The following CELSR2 variants were observed in gnomAD, a reference collection of about 807,000 sequenced individuals.
CELSR2 encodes the protein cadherin EGF LAG seven-pass G-type receptor 2.
CELSR2 carries 81 observed loss-of-function variants against 251.6 expected under a neutral mutation model. That is an observed-to-expected ratio of 0.32 (90% CI 0.27 to 0.39). The LOEUF is 0.39. CELSR2 is among the 10% of genes least tolerant of loss of function. The pLI is 1.00. For synonymous variants in CELSR2, 1,721 were observed against 1,670.5 expected (o/e 1.03, Z -0.74); for missense variants, 3,365 against 3,947.7 (o/e 0.85, Z 3.96).
At position 109,273,493 on chromosome 1, in the gene CELSR2, T is replaced by C. The variant is rs368574149; in HGVS notation, c.8567T>C (p.Leu2856Pro). The C allele has an allele frequency of 6.2e-7, 1 of 1,611,428 alleles. No individual in the cohort carries two copies. Among genetic ancestry groups the C allele is most frequent in the Admixed American group, 1.7e-5 (1 of 59,864 alleles). Residue 2856 changes from leucine (L) to proline (P), a missense_variant, in exon 33 of 34, where the codon CTC (leucine) becomes CCC (proline). By Grantham distance (98) the Leu-to-Pro change is moderately conservative. Coordinates refer to ENST00000271332, the MANE Select transcript of CELSR2 (RefSeq NM_001408.3). Reference protein sequence around the residue: ...TISEKSSLLRLPLEQCTGSSR... With the variant: ...TISEKSSLLRPPLEQCTGSSR... ...AGCGAGAAGAGCAGCCTCCTGCGGC[T>C]CCCCCTGGAGCAATGCACAGGGTCT... is the stretch of plus-strand genomic sequence containing the variant.
Position 109,252,814 on chromosome 1 carries a change from T to G in CELSR2, c.2735T>G (p.Leu912Trp). Residue 912 changes from leucine (L) to tryptophan (W), a missense_variant, in exon 1 of 34, where the codon TTG becomes TGG. By Grantham distance (61) the Leu-to-Trp change is moderately conservative. This residue lies in a region of CELSR2 where 505 missense variants were observed against 660.0 expected (regional missense o/e 0.77). Coordinates refer to ENST00000271332, the MANE Select transcript of CELSR2 (RefSeq NM_001408.3). The surrounding 1 kb of genome is among the most constrained non-coding windows in gnomAD (Gnocchi z 4.8). ...RTPMEVTVTVLDVNDNPPVFE... is the reference protein window; with the variant it reads ...RTPMEVTVTVWDVNDNPPVFE... ...CCTATGGAAGTGACAGTCACTGTGT[T>G]GGATGTGAATGACAATCCCCCTGTC... 1 of 1,614,012 alleles carries G rather than the reference T, an allele frequency of 6.2e-7. No homozygotes were observed. The highest frequency in any genetic ancestry group is 8.5e-7 in the Non-Finnish European group (1 of 1,180,030).
chr1:109,265,889 T>A lies in CELSR2; in HGVS notation c.5882T>A (p.Phe1961Tyr), dbSNP rs566300280. 2 of 1,613,858 alleles carry A rather than the reference T, an allele frequency of 1.2e-6. No homozygotes were observed. Among genetic ancestry groups the A allele is most frequent in the Non-Finnish European group, 1.7e-6 (2 of 1,179,904 alleles). ...GRQCDRCDNPFAEVTTNGCEV... is the reference protein window; with the variant it reads ...GRQCDRCDNPYAEVTTNGCEV... ...CAGTGTGACCGCTGTGACAACCCTT[T>A]TGCTGAGGTCACCACCAATGGCTGT... The change falls in exon 14 of 34, where the codon TTT becomes TAT. Residue 1961 changes from phenylalanine (F) to tyrosine (Y), a missense_variant. By Grantham distance (22) the Phe-to-Tyr change is conservative. Around this residue, in one of 5 missense-constraint regions of CELSR2, gnomAD observed 2,093 missense variants for 2,382.8 expected, o/e 0.88. Coordinates refer to ENST00000271332, the MANE Select transcript of CELSR2 (RefSeq NM_001408.3).
chr1:109,264,135 C>T lies in CELSR2; in HGVS notation c.5059C>T (p.Leu1687Phe). Residue 1687 changes from leucine to phenylalanine, a missense_variant, in exon 10 of 34, where the codon CTC becomes TTC. By Grantham distance (22) the Leu-to-Phe change is conservative (BLOSUM62 0). Around this residue, in one of 5 missense-constraint regions of CELSR2, gnomAD observed 2,093 missense variants for 2,382.8 expected, o/e 0.88. Coordinates refer to ENST00000271332, the MANE Select transcript of CELSR2 (RefSeq NM_001408.3). ...GGGCACAGGGCTTCAGGCCTCCTCT[C>T]TCCGTCTGGAGCCAGGCCGGGCCAA... Reference protein sequence around the residue: ...VEGTGLQASSLRLEPGRANDG... With the variant: ...VEGTGLQASSFRLEPGRANDG... 1 of 1,605,302 alleles carries T rather than the reference C, an allele frequency of 6.2e-7. No individual in the cohort carries two copies. Among genetic ancestry groups the T allele is most frequent in the Non-Finnish European group, 8.5e-7 (1 of 1,173,428 alleles).
In CELSR2 at chr1:109,273,570, C is replaced by T. The variant is rs1439709754; in HGVS notation, c.8644C>T (p.Pro2882Ser). 3 of 1,564,982 alleles carry T rather than the reference C, an allele frequency of 1.9e-6. No individual in the cohort carries two copies. In the South Asian group the frequency reaches 3.5e-5, roughly 18 times the overall value. ...EGSRGGPPPR[P>S]PPRQSLQEQL... Reference sequence around the variant, plus strand: ...CAGCCGGGGAGGCCCCCCTCCCCGCCCACCGCCCCGGCAGAGCCTCCAGGA... The same window carrying T: ...CAGCCGGGGAGGCCCCCCTCCCCGCTCACCGCCCCGGCAGAGCCTCCAGGA... The change falls in exon 33 of 34, where the codon CCA becomes TCA. Residue 2882 changes from proline (P) to serine (S), a missense_variant. Transcript: ENST00000271332.
chr1:109,261,731 C>T lies in CELSR2; in HGVS notation c.4298-77C>T. 1 of 1,541,080 alleles carries T rather than the reference C, an allele frequency of 6.5e-7. No homozygotes were observed. The highest frequency in any genetic ancestry group is 8.9e-7 in the Non-Finnish European group (1 of 1,124,100). ...CTCTATCAGCCAAATCTGGGCCCAG[C>T]CCCAGCCACTGGCACCCCAAACCCT... On this transcript the variant is annotated intron_variant, in intron 4 of 33. Coordinates refer to ENST00000271332, the MANE Select transcript of CELSR2 (RefSeq NM_001408.3). This position sits in a 1 kb window ranked among gnomAD's most constrained non-coding sequence, Gnocchi z 4.8.
In CELSR2 at chr1:109,250,876, T is replaced by C. The variant is rs754548328; in HGVS notation, c.797T>C (p.Met266Thr). 6.2e-6 allele frequency: 10 copies of C among 1,613,918 alleles called. No individual in the cohort carries two copies. Among genetic ancestry groups the C allele is most frequent in the Non-Finnish European group, 8.5e-6 (10 of 1,180,044 alleles). ...VFRVTAQDHG[M>T]PRRSALATLT... is the part of the protein sequence containing the mutation. ...AGGGTCACGGCGCAGGACCACGGCA[T>C]GCCCCGACGAAGTGCCCTGGCTACA... The change falls in exon 1 of 34, where the codon ATG becomes ACG. Residue 266 changes from methionine to threonine, a missense_variant. By Grantham distance (81) the Met-to-Thr change is moderately conservative. Coordinates refer to ENST00000271332, the MANE Select transcript of CELSR2 (RefSeq NM_001408.3). This position sits in a 1 kb window ranked among gnomAD's most constrained non-coding sequence, Gnocchi z 4.4.
At chr1:109,254,672 G>A (rs1202838944) in intron 1 of CELSR2, among the ~76,000 whole-genome samples, 2 of 152,176 alleles carry the variant, frequency 1.3e-5, no homozygotes, top group Non-Finnish European at 1.5e-5. Context: ...CCCAGGGAGT[G>A]TGGCCTGAAG....
chr1:109,250,227 G>A lies in CELSR2; in HGVS notation c.148G>A (p.Ala50Thr), dbSNP rs763558785. Reference sequence around the variant, plus strand: ...GTCCAGGGGACGAGGCTCTTCGGGGGCCTGCGCCCCCATGGGCTGGCTCTG... The same window carrying A: ...GTCCAGGGGACGAGGCTCTTCGGGGACCTGCGCCCCCATGGGCTGGCTCTG... Reference protein sequence around the residue: ...LGSRGRGSSGACAPMGWLCPS... With the variant: ...LGSRGRGSSGTCAPMGWLCPS... Residue 50 changes from alanine to threonine, a missense_variant, in exon 1 of 34, where the codon GCC becomes ACC. By Grantham distance (58) the Ala-to-Thr change is moderately conservative. Around this residue, in one of 5 missense-constraint regions of CELSR2, gnomAD observed 704 missense variants for 784.1 expected, o/e 0.90. Transcript: ENST00000271332. The surrounding 1 kb of genome is among the most constrained non-coding windows in gnomAD (Gnocchi z 4.4). 2 of 1,604,316 alleles carry A rather than the reference G, an allele frequency of 1.2e-6. No homozygotes were observed. The highest frequency in any genetic ancestry group is 1.7e-6 in the Non-Finnish European group (2 of 1,175,850).
Position 109,261,535 on chromosome 1 carries a change from G to A in CELSR2, c.4204G>A (p.Gly1402Arg), listed in dbSNP as rs1656021824. 1.2e-6 allele frequency: 2 copies of A among 1,614,050 alleles called. No homozygotes were observed. The highest frequency in any genetic ancestry group is 1.7e-6 in the Non-Finnish European group (2 of 1,180,034). ...ALSFATKERD[G>R]LLLYNGRFNE... ...CAGGTTTGCCACAAAGGAGCGCGAC[G>A]GGTTGCTGTTGTACAATGGGCGTTT... Residue 1402 changes from glycine (G) to arginine (R), a missense_variant, in exon 4 of 34, where the codon GGG becomes AGG. This residue lies in a region of CELSR2 where 2,093 missense variants were observed against 2,382.8 expected (regional missense o/e 0.88). Transcript: ENST00000271332. This position sits in a 1 kb window ranked among gnomAD's most constrained non-coding sequence, Gnocchi z 4.8.
chr1:109,252,900 G>T lies in CELSR2; in HGVS notation c.2821G>T (p.Ala941Ser). The T allele has an allele frequency of 1.2e-6, 2 of 1,612,580 alleles. No individual in the cohort carries two copies. The highest frequency in any genetic ancestry group is 1.7e-6 in the Non-Finnish European group (2 of 1,179,210). ...GAACAGCCCCATTGGGCTAGCCGTG[G>T]CCCGGGTCACAGCCACTGACCCCGA... ...EENSPIGLAV[A>S]RVTATDPDEG... Residue 941 changes from alanine (A) to serine (S), a missense_variant, in exon 1 of 34, where the codon GCC becomes TCC. By Grantham distance (99) the Ala-to-Ser change is moderately conservative. Transcript: ENST00000271332. The surrounding 1 kb of genome is among the most constrained non-coding windows in gnomAD (Gnocchi z 4.8).
Position 109,250,453 on chromosome 1 carries a change from C to T in CELSR2, c.374C>T (p.Pro125Leu), listed in dbSNP as rs749558891. The T allele has an allele frequency of 6.2e-7, 1 of 1,613,720 alleles. No individual in the cohort carries two copies. The highest frequency in any genetic ancestry group is 8.5e-7 in the Non-Finnish European group (1 of 1,180,022). The change falls in exon 1 of 34, where the codon CCA becomes CTA. Residue 125 changes from proline to leucine, a missense_variant. Transcript: ENST00000271332. The surrounding 1 kb of genome is among the most constrained non-coding windows in gnomAD (Gnocchi z 4.4). ...CTGGGCATTGGAGGCCACCTTTCCC[C>T]ACAGGGCAAGCTCACACTGCCCGAG... is the stretch of plus-strand genomic sequence containing the variant. ...RLLGIGGHLSPQGKLTLPEEH... is the reference protein window; with the variant it reads ...RLLGIGGHLSLQGKLTLPEEH...
In CELSR2 at chr1:109,260,181, G is replaced by C. The variant is rs376591703; in HGVS notation, c.3959-861G>C. Among the ~76,000 whole-genome samples, 209 of 127,510 alleles carry C rather than the reference G, an allele frequency of 1.6e-3. 2 individuals carry two copies. Among genetic ancestry groups the C allele is most frequent in the East Asian group, 0.011 (44 of 3,882 alleles). The allele number at this position is 127,510 out of a possible 152,430, so 83.7% of individuals were successfully genotyped here. On this transcript the variant is annotated intron_variant, in intron 2 of 33. Transcript: ENST00000271332. ...GTCCAGGAGGATGGTGGGGGGGGTTGGGAGGGGGGGGGTTAGAGCAGGCGA... is the reference window on the plus strand; with the variant it reads ...GTCCAGGAGGATGGTGGGGGGGGTTCGGAGGGGGGGGGTTAGAGCAGGCGA...
chr1:109,274,276 C>A lies in CELSR2; in HGVS notation c.*227C>A. The A allele has an allele frequency of 1.8e-6, 2 of 1,088,764 alleles. No individual in the cohort carries two copies. The highest frequency in any genetic ancestry group is 2.5e-6 in the Non-Finnish European group (2 of 797,300). 67.4% of individuals were successfully genotyped at this position (1,088,764 alleles called of 1,614,324 possible). On this transcript the variant is annotated 3_prime_UTR_variant, in exon 34 of 34. Coordinates refer to ENST00000271332, the MANE Select transcript of CELSR2 (RefSeq NM_001408.3). ...CCATTCCCCTCACTGCACTTTGGACCCCTGGGGCCAACATCTCCAAGACAA... is the reference window on the plus strand; with the variant it reads ...CCATTCCCCTCACTGCACTTTGGACACCTGGGGCCAACATCTCCAAGACAA...
intron 2 of CELSR2, 84 bp downstream of exon 2, chr1:109,259,163 C>G (rs937658691): frequency 8.3e-6 from 10 of 1,210,620 alleles, no homozygotes; most frequent in Non-Finnish European, 1.1e-5. Context: ...ATGCTGGCGG[C>G]TGCCTCATTC....
In CELSR2 at chr1:109,267,648, T is replaced by C; in HGVS notation, c.6108+6T>C. The C allele has an allele frequency of 1.9e-6, 3 of 1,614,100 alleles. No homozygotes were observed. Among genetic ancestry groups the C allele is most frequent in the Non-Finnish European group, 2.5e-6 (3 of 1,179,954 alleles). ...TCTCAGAACTGAAGGGCTTCGTAAG[T>C]GAACCCCCTCATCTCCATCTTTTCC... On this transcript the variant is annotated splice_donor_region_variant and intron_variant, in intron 16 of 33. Coordinates refer to ENST00000271332, the MANE Select transcript of CELSR2 (RefSeq NM_001408.3).
At position 109,273,643 on chromosome 1, in the gene CELSR2, C is replaced by T. The variant is rs369781298; in HGVS notation, c.8717C>T (p.Thr2906Met). 1.3e-5 allele frequency: 16 copies of T among 1,263,704 alleles called. No individual in the cohort carries two copies. The highest frequency in any genetic ancestry group is 4.7e-5 in the African/African-American group (3 of 64,236). 78.3% of individuals were successfully genotyped at this position (1,263,704 alleles called of 1,614,324 possible). The stretch of plus-strand genomic sequence containing the variant: ...ATCGCCATGAGCATCAAGGCAGGCA[C>T]GGTGGATGAGGACTCGTCAGGCTCC... Reference protein sequence around the residue: ...MPIAMSIKAGTVDEDSSGSEF... With the variant: ...MPIAMSIKAGMVDEDSSGSEF... Residue 2906 changes from threonine (T) to methionine (M), a missense_variant, in exon 33 of 34, where the codon ACG (threonine) becomes ATG (methionine). By Grantham distance (81) the Thr-to-Met change is moderately conservative. This residue lies in a region of CELSR2 where 2,093 missense variants were observed against 2,382.8 expected (regional missense o/e 0.88). Transcript: ENST00000271332.
At chr1:109,263,816 A>G (rs1186953311) in intron 9 of CELSR2, 39 bp downstream of exon 9, 1 of 1,601,946 alleles carries the variant, frequency 6.2e-7, no homozygotes, top group East Asian at 2.2e-5. Flanking sequence ...GCCTGGCCAT[A>G]GGGCCCTGGT....
intron 15 of CELSR2, 103 bp from the exon 16 acceptor site, chr1:109,267,445 C>G: frequency 9.8e-7 from 1 of 1,024,654 alleles, no homozygotes; most frequent in Non-Finnish European, 1.4e-6. Context: ...TAGTTACTGT[C>G]CCCGGCCCAT....
rs1312537069 is a variant in CELSR2 at position 109,270,562 on chromosome 1, A to T, written c.7445A>T (p.Tyr2482Phe). The T allele has an allele frequency of 6.2e-7, 1 of 1,614,064 alleles. No individual in the cohort carries two copies. Among genetic ancestry groups the T allele is most frequent in the Admixed American group, 1.7e-5 (1 of 60,016 alleles). ...RDVNTGPMRF[Y>F]YMLGWGVPAF... ...GTCAACACCGGCCCCATGCGCTTCT[A>T]CTACATGCTGGGCTGGGGCGTGCCT... The change falls in exon 24 of 34, where the codon TAC becomes TTC. Residue 2482 changes from tyrosine to phenylalanine, a missense_variant. Tyr to Phe is a conservative substitution (Grantham distance 22). Around this residue, in one of 5 missense-constraint regions of CELSR2, gnomAD observed 2,093 missense variants for 2,382.8 expected, o/e 0.88. Transcript: ENST00000271332.
Sources: gnomAD v4.1 joint callset for allele counts (sites outside exome capture counted in the v4.1 genomes callset) on GRCh38, gnomAD v4.1.1 for gene constraint, gnomAD v4.1.1 regional missense constraint, Gnocchi (gnomAD v3.1) non-coding constraint, MANE v1.5 for transcripts, NCBI Gene and HGNC (gene_info 2026-07-23, HGNC 2026-07-21) for gene names.